Variants in MEI4 observed in about 807,000 individuals in gnomAD.
MEI4 encodes meiosis-specific protein MEI4.
A neutral mutation model predicts 31.4 loss-of-function variants in MEI4; 27 were observed. The ratio of observed to expected loss-of-function variants is 0.86; its 90% CI spans 0.63 to 1.19. MEI4 has a LOEUF of 1.19. Among genes scored for constraint, MEI4 ranks in the 50% most tolerant of loss-of-function variants. MEI4 has a pLI of 0.00. For missense variants in MEI4, 329 were observed against 398.9 expected (o/e 0.82, Z 1.49); for synonymous variants, 122 against 145.4 (o/e 0.84, Z 1.16).
chr6:77,754,997 G>A lies in MEI4; in HGVS notation c.233-6133G>A, dbSNP rs57758751. ...GCCATATCAATGGGTTTAATTTTAT[G>A]GGTAAGTTAGGGAATGTAGAAATAA... On this transcript the variant is annotated intron_variant, in intron 2 of 4. Coordinates refer to ENST00000684080, the MANE Select transcript of MEI4 (RefSeq NM_001322247.2). Among the ~76,000 whole-genome samples the A allele has an allele frequency of 6.7e-3, 1,025 of 152,214 alleles. 9 individuals carry two copies. The highest frequency in any genetic ancestry group is 0.023 in the African/African-American group (937 of 41,530).
At chr6:77,741,950 C>T (rs1198906979) in intron 2 of MEI4, among the ~76,000 whole-genome samples, 1 of 151,892 alleles carries the variant, frequency 6.6e-6, no homozygotes, top group African/African-American at 2.4e-5. Context: ...GACATGAACT[C>T]ATCATTTTTT....
chr6:77,735,434 G>A (rs1767161945), intron 2 of MEI4, among the ~76,000 whole-genome samples: 1 of 151,954 alleles, frequency 6.6e-6, no homozygotes, highest in Non-Finnish European at 1.5e-5. Context: ...ATCGGCTCCT[G>A]AGGCTTCTGC....
At chr6:77,773,612 G>A (rs561921154) in intron 3 of MEI4, among the ~76,000 whole-genome samples, 1 of 151,972 alleles carries the variant, frequency 6.6e-6, no homozygotes, top group Non-Finnish European at 1.5e-5. Context: ...CTGGGCAAAG[G>A]TTTCTTGAGT....
chr6:77,710,920 C>A (rs1766449623), intron 2 of MEI4, among the ~76,000 whole-genome samples: 1 of 152,198 alleles, frequency 6.6e-6, no homozygotes, highest in Non-Finnish European at 1.5e-5. Context: ...TTTCATTATT[C>A]ATCTCACTTA....
chr6:77,748,486 C>T (rs540779951), intron 2 of MEI4, among the ~76,000 whole-genome samples: 1 of 152,320 alleles, frequency 6.6e-6, no homozygotes, highest in South Asian at 2.1e-4. Context: ...TACAGGGCAC[C>T]AAGTCCCTAG....
At chr6:77,886,934 T>A (rs1461678434) in intron 4 of MEI4, among the ~76,000 whole-genome samples, 1 of 152,100 alleles carries the variant, frequency 6.6e-6, no homozygotes, top group Non-Finnish European at 1.5e-5. Flanking sequence ...ATCCTTTGTA[T>A]TTTTTTAGTC....
At position 77,707,293 on chromosome 6, in the gene MEI4, G is replaced by T. The variant is rs551926203; in HGVS notation, c.232+16390G>T. Among the ~76,000 whole-genome samples, 24 of 152,306 alleles carry T rather than the reference G, an allele frequency of 1.6e-4. No homozygotes were observed. In the South Asian group the frequency reaches 2.1e-3, roughly 13 times the overall value. ...GTTCATGCCCTACGGATCTGTGGAA[G>T]TTTGAGCTTAAGAGTCATAATGTGC... On this transcript the variant is annotated intron_variant, in intron 2 of 4. Coordinates refer to ENST00000684080, the MANE Select transcript of MEI4 (RefSeq NM_001322247.2).
At chr6:77,777,920 CATAA>C (rs1266672948) in intron 3 of MEI4, among the ~76,000 whole-genome samples, 2 of 151,446 alleles carry the variant, frequency 1.3e-5, no homozygotes, top group African/African-American at 2.4e-5. Context: ...TATGAAAACA[CATAA>C]ATTAATAACA....
intron 2 of MEI4, among the ~76,000 whole-genome samples, chr6:77,744,478 C>T (rs568302524): frequency 6.6e-6 from 1 of 151,460 alleles, no homozygotes; most frequent in Admixed American, 6.6e-5. Flanking sequence ...GCGAAAAGAC[C>T]AAATCTACGT....
At chr6:77,844,993 T>G (rs1009199228) in intron 4 of MEI4, among the ~76,000 whole-genome samples, 4 of 152,128 alleles carry the variant, frequency 2.6e-5, no homozygotes, top group Non-Finnish European at 4.4e-5. Flanking sequence ...TTTTTTCACT[T>G]TCTCCCATTC....
At chr6:77,753,444 T>C (rs1767833079) in intron 2 of MEI4, among the ~76,000 whole-genome samples, 1 of 151,962 alleles carries the variant, frequency 6.6e-6, no homozygotes. Flanking sequence ...GGTGAAGGAT[T>C]TCAACAGACA....
chr6:77,656,021 A>G (rs1398140103), intron 1 of MEI4, among the ~76,000 whole-genome samples: 2 of 152,166 alleles, frequency 1.3e-5, no homozygotes, highest in African/African-American at 4.8e-5. Flanking sequence ...GGCTTTCAAA[A>G]TATCTGTCAG....
intron 4 of MEI4, among the ~76,000 whole-genome samples, chr6:77,862,127 G>A (rs1770882090): frequency 6.6e-6 from 1 of 151,976 alleles, no homozygotes; most frequent in African/African-American, 2.4e-5. Context: ...CCAGTCTACA[G>A]CTCCCAACGT....
intron 3 of MEI4, among the ~76,000 whole-genome samples, chr6:77,823,998 T>G: frequency 6.6e-6 from 1 of 152,230 alleles, no homozygotes; most frequent in East Asian, 1.9e-4. Flanking sequence ...TGAACACTTT[T>G]TATGGATCCC....
chr6:77,749,810 A>G (rs908645115), intron 2 of MEI4, among the ~76,000 whole-genome samples: 6 of 152,290 alleles, frequency 3.9e-5, no homozygotes, highest in Admixed American at 2.0e-4. Flanking sequence ...CCCAAGACAC[A>G]TAATGATCAG....
chr6:77,797,504 G>T (rs1195727881), intron 3 of MEI4, among the ~76,000 whole-genome samples: 1 of 152,132 alleles, frequency 6.6e-6, no homozygotes, highest in Non-Finnish European at 1.5e-5. Flanking sequence ...GAAGAAAGAA[G>T]CCAGTAGTGA....
chr6:77,890,002 T>C (rs1175707433), intron 4 of MEI4, among the ~76,000 whole-genome samples: 1 of 152,334 alleles, frequency 6.6e-6, no homozygotes, highest in African/African-American at 2.4e-5. Context: ...TGCTTGGATG[T>C]CCAGGAAGAA....
intron 4 of MEI4, among the ~76,000 whole-genome samples, chr6:77,922,843 G>C (rs1429784227): frequency 1.3e-5 from 2 of 151,714 alleles, no homozygotes; most frequent in African/African-American, 4.8e-5. Context: ...TTCTCTGCAA[G>C]AATGCAGGGA....
intron 4 of MEI4, among the ~76,000 whole-genome samples, chr6:77,875,051 A>G (rs1332936998): frequency 6.6e-6 from 1 of 152,088 alleles, no homozygotes; most frequent in Admixed American, 6.6e-5. Flanking sequence ...TGGTCATCTA[A>G]CCCACCTCAT....
Sources: gnomAD v4.1 joint callset for allele counts (sites outside exome capture counted in the v4.1 genomes callset) on GRCh38, gnomAD v4.1.1 for gene constraint, MANE v1.5 for transcripts, NCBI Gene and HGNC (gene_info 2026-07-23, HGNC 2026-07-21) for gene names.